ZNF385D: variants seen among roughly 807,000 people sequenced by gnomAD.
The protein encoded by ZNF385D is zinc finger protein 385D.
In ZNF385D, 15 loss-of-function variants were observed where a neutral mutation model predicts 35.8. The ratio of observed to expected loss-of-function variants is 0.42; its 90% CI spans 0.28 to 0.64. The LOEUF (loss-of-function observed/expected upper bound fraction) is 0.64. Among genes scored for constraint, ZNF385D ranks in the 30% least tolerant of loss-of-function variants. ZNF385D has a pLI of 0.23. For synonymous variants in ZNF385D, 212 were observed against 186.8 expected, an observed-to-expected ratio of 1.13 and a Z score of -1.10; for missense variants, 474 against 494.6, an observed-to-expected ratio of 0.96 and a Z score of 0.39.
rs114493831 is a variant in ZNF385D, at chr3:21,591,140, G to A, written c.166-26456C>T. On this transcript the variant is annotated intron_variant, in intron 2 of 7. Coordinates refer to ENST00000281523, the MANE Select transcript of ZNF385D (RefSeq NM_024697.3). ...TTAGCTGGAGTGTTCAACCTGCAGTGAGCCAATATCATGCCACTGCACCTC... is the reference window on the plus strand; with the variant it reads ...TTAGCTGGAGTGTTCAACCTGCAGTAAGCCAATATCATGCCACTGCACCTC... 8.2e-3 allele frequency among the ~76,000 whole-genome samples: 1,253 copies of A among 152,172 alleles called. 14 individuals carry two copies. The highest frequency in any genetic ancestry group is 0.029 in the African/African-American group (1,199 of 41,526).
At chr3:22,006,183 A>G (rs1696186736) in intron 3 of ZNF385D, among the ~76,000 whole-genome samples, 1 of 152,126 alleles carries the variant, frequency 6.6e-6, no homozygotes, top group Non-Finnish European at 1.5e-5. Context: ...CATTTTAGAT[A>G]AACCTATGCA....
chr3:22,269,599 C>G (rs898172946), intron 2 of ZNF385D, among the ~76,000 whole-genome samples: 1 of 151,734 alleles, frequency 6.6e-6, no homozygotes, highest in African/African-American at 2.4e-5. Context: ...AAATGATACT[C>G]CAAGAAAATG....
chr3:22,216,330 A>G (rs1337881442), intron 2 of ZNF385D, among the ~76,000 whole-genome samples: 1 of 152,068 alleles, frequency 6.6e-6, no homozygotes, highest in Non-Finnish European at 1.5e-5. Context: ...TTTCATTGCA[A>G]TCTTGTTAAC....
chr3:21,651,381 A>G (rs1399314514), intron 2 of ZNF385D, among the ~76,000 whole-genome samples: 1 of 147,904 alleles, frequency 6.8e-6, no homozygotes, highest in Non-Finnish European at 1.5e-5. Context: ...GACTCAGGTT[A>G]TTTTAATTAT....
chr3:22,009,179 T>C (rs1004864832), intron 3 of ZNF385D, among the ~76,000 whole-genome samples: 1 of 152,132 alleles, frequency 6.6e-6, no homozygotes, highest in Non-Finnish European at 1.5e-5. Flanking sequence ...TATTTTTAGG[T>C]ATACAGCCTA....
At chr3:21,912,050 T>G (rs1699988159) in intron 3 of ZNF385D, among the ~76,000 whole-genome samples, 1 of 151,968 alleles carries the variant, frequency 6.6e-6, no homozygotes, top group Non-Finnish European at 1.5e-5. Flanking sequence ...CCTAATTTCT[T>G]GTTCCAGGAA....
At chr3:21,931,932 T>C (rs913243072) in intron 3 of ZNF385D, among the ~76,000 whole-genome samples, 7 of 151,606 alleles carry the variant, frequency 4.6e-5, no homozygotes, top group Admixed American at 1.3e-4. Flanking sequence ...GATGCCAAGG[T>C]AGGCAGATCA....
chr3:22,332,887 C>T (rs960023140), intron 2 of ZNF385D, among the ~76,000 whole-genome samples: 1 of 151,018 alleles, frequency 6.6e-6, no homozygotes, highest in African/African-American at 2.4e-5. Context: ...ACATGTATAG[C>T]ATTTATATTA....
At chr3:21,978,414 T>A (rs68055552) in intron 3 of ZNF385D, 2 of 152,132 alleles carry the variant, frequency 1.3e-5, no homozygotes, top group Admixed American at 6.5e-5. Context: ...GCTTTTTAAT[T>A]TATTTATTTT....
At chr3:22,298,250 A>G (rs972945218) in intron 2 of ZNF385D, among the ~76,000 whole-genome samples, 1 of 151,782 alleles carries the variant, frequency 6.6e-6, no homozygotes, top group Non-Finnish European at 1.5e-5. Context: ...AGGTCATATG[A>G]TTAGTCATAA....
At chr3:22,329,999 A>C (rs976899113) in intron 2 of ZNF385D, among the ~76,000 whole-genome samples, 3 of 152,160 alleles carry the variant, frequency 2.0e-5, no homozygotes. Flanking sequence ...ATAAACCCTA[A>C]AACTATGCTC....
chr3:21,449,778 C>T (rs377590), intron 4 of ZNF385D, among the ~76,000 whole-genome samples: 92,025 of 152,088 alleles, frequency 0.61, 28,000 homozygotes, highest in African/African-American at 0.65. Flanking sequence ...AGACTAATTT[C>T]GTTCACATCC....
In ZNF385D at chr3:21,789,553, T is replaced by C. The variant is rs116767605; in HGVS notation, c.326-124525A>G. Among the ~76,000 whole-genome samples the C allele has an allele frequency of 5.8e-3, 885 of 152,240 alleles. 11 individuals carry two copies. The highest frequency in any genetic ancestry group is 0.021 in the African/African-American group (854 of 41,558). On this transcript the variant is annotated intron_variant, in intron 3 of 5. Coordinates refer to the ZNF385D transcript ENST00000494108. ...ACATGTGTAAGCACACACACATATA[T>C]ACAGATTAATAAAAAGCAAAAACCT...
At chr3:22,128,525 T>C (rs1703579594) in intron 3 of ZNF385D, among the ~76,000 whole-genome samples, 1 of 152,174 alleles carries the variant, frequency 6.6e-6, no homozygotes, top group African/African-American at 2.4e-5. Context: ...TTGCACTTTT[T>C]AGGCTATTTT....
rs566690053 is a variant in ZNF385D, at chr3:22,272,469, C to T, written c.106+99981G>A. Among the ~76,000 whole-genome samples the T allele has an allele frequency of 4.6e-5, 7 of 152,004 alleles. No homozygotes were observed. In the South Asian group the frequency reaches 1.5e-3, roughly 32 times the overall value. The stretch of plus-strand genomic sequence containing the variant: ...ATATGTTGACTGACCAAGATTTAAT[C>T]GTTTAATTACCTTTGCTGATGTCCC... On this transcript the variant is annotated intron_variant, in intron 2 of 5. Coordinates refer to the ZNF385D transcript ENST00000494108.
chr3:21,689,679 A>G (rs1317566863), intron 1 of ZNF385D, among the ~76,000 whole-genome samples: 1 of 152,132 alleles, frequency 6.6e-6, no homozygotes, highest in African/African-American at 2.4e-5. Flanking sequence ...CATATATAAG[A>G]AGCTCTAAAG....
At chr3:21,831,901 T>C (rs1019462921) in intron 3 of ZNF385D, among the ~76,000 whole-genome samples, 2 of 152,154 alleles carry the variant, frequency 1.3e-5, no homozygotes, top group African/African-American at 4.8e-5. Context: ...TAAAAGAAGC[T>C]TAGAGACATA....
chr3:21,423,291 A>G (rs1575116878), intron 7 of ZNF385D, among the ~76,000 whole-genome samples: 1 of 152,218 alleles, frequency 6.6e-6, no homozygotes, highest in East Asian at 1.9e-4. Context: ...ACAGCATCCA[A>G]TAGTAATAAG....
At chr3:22,119,206 T>C (rs752941843) in intron 3 of ZNF385D, among the ~76,000 whole-genome samples, 1 of 152,068 alleles carries the variant, frequency 6.6e-6, no homozygotes, top group Non-Finnish European at 1.5e-5. Flanking sequence ...GAACTTAATA[T>C]AGAAAAAATA....
Sources: gnomAD v4.1 joint callset for allele counts (sites outside exome capture counted in the v4.1 genomes callset) on GRCh38, gnomAD v4.1.1 for gene constraint, MANE v1.5 for transcripts, NCBI Gene and HGNC (gene_info 2026-07-23, HGNC 2026-07-21) for gene names.